The following ST7L variants were observed in gnomAD, a reference collection of about 807,000 sequenced individuals.
ST7L encodes suppression of tumorigenicity 7 like.
Under a neutral mutation model 72.5 loss-of-function variants are expected in ST7L, and 57 were observed. The observed-to-expected ratio is 0.79, with a 90% CI of 0.64 to 0.98. The LOEUF is 0.98. Among genes scored for constraint, ST7L ranks in the 50% least tolerant of loss-of-function variants. The pLI is 0.00. For synonymous variants in ST7L, 221 were observed against 240.9 expected, an observed-to-expected ratio of 0.92 and a Z score of 0.77; for missense variants, 576 against 672.2, an observed-to-expected ratio of 0.86 and a Z score of 1.58.
chr1:112,600,206 A>G (rs1180504662), intron 4 of ST7L, among the ~76,000 whole-genome samples: 1 of 151,922 alleles, frequency 6.6e-6, no homozygotes, highest in Non-Finnish European at 1.5e-5. Flanking sequence ...ACGTCCAGCT[A>G]ATTTTTGTTT....
chr1:112,599,073 AATATATATATAT>A (rs71084479), intron 4 of ST7L, among the ~76,000 whole-genome samples: 2 of 56,994 alleles, frequency 3.5e-5, no homozygotes, highest in Admixed American at 2.8e-4. Context: ...AAAAAAAAAA[AATATATATATAT>A]ATATATATAT....
At chr1:112,565,474 C>T (rs1021495121) in intron 11 of ST7L, among the ~76,000 whole-genome samples, 1 of 152,144 alleles carries the variant, frequency 6.6e-6, no homozygotes, top group Admixed American at 6.5e-5. Context: ...TTTCTTACTG[C>T]TCTACTTTAC....
chr1:112,556,966 C>CAAAAAAAAAAAAAAAAAAAAAAAAAAAAA (rs60106072), intron 11 of ST7L, among the ~76,000 whole-genome samples: 8 of 49,530 alleles, frequency 1.6e-4, no homozygotes, highest in Non-Finnish European at 2.1e-4. Context: ...GACTCTGTCT[C>CAAAAAAAAAAAAAAAAAAAAAAAAAAAAA]AAAAAAAAAA....
intron 11 of ST7L, chr1:112,571,370 T>C (rs183627695): frequency 0.014 from 6,570 of 455,562 alleles, 76 homozygotes; most frequent in Non-Finnish European, 0.019. Context: ...AAAAATGACA[T>C]TAAAATGTTA....
intron 8 of ST7L, 69 bp downstream of exon 8, chr1:112,582,306 C>T: frequency 1.7e-6 from 2 of 1,166,882 alleles, no homozygotes; most frequent in Admixed American, 4.2e-5. Flanking sequence ...ATTAAAATAA[C>T]TGGCAACTTA....
chr1:112,521,246 T>C (rs1291722958), downstream of ST7L: 1 of 152,142 alleles, frequency 6.6e-6, no homozygotes, highest in Non-Finnish European at 1.5e-5. Flanking sequence ...TAACAAATCA[T>C]TAAAACACCC....
intron 11 of ST7L, among the ~76,000 whole-genome samples, chr1:112,573,348 CA>C (rs35107656): frequency 0.41 from 28,714 of 70,278 alleles, 2,017 homozygotes; most frequent in East Asian, 0.52. Context: ...AACTCCCTCT[CA>C]AAAAAAAAAA....
chr1:112,587,327 C>T (rs1044153249), intron 6 of ST7L, among the ~76,000 whole-genome samples: 3 of 152,198 alleles, frequency 2.0e-5, no homozygotes, highest in South Asian at 2.1e-4. Flanking sequence ...CATGGCCAGG[C>T]GTGGTGGCTC....
At position 112,523,883 on chromosome 1, in the gene ST7L, T is replaced by C. The variant is rs1380893058; in HGVS notation, c.*2130A>G. 6.6e-6 allele frequency: 1 copy of C among 152,014 alleles called. No individual in the cohort carries two copies. The highest frequency in any genetic ancestry group is 1.5e-5 in the Non-Finnish European group (1 of 68,004). The allele number at this position is 152,014 out of a possible 1,614,324, so 9.4% of individuals were successfully genotyped here. Reference sequence around the variant, plus strand: ...AATGTAAAAGTAAGAATGCCAGCCTTAACCTAGCCCTGCAGATAAAAGCTA... The same window carrying C: ...AATGTAAAAGTAAGAATGCCAGCCTCAACCTAGCCCTGCAGATAAAAGCTA... On this transcript the variant is annotated 3_prime_UTR_variant, in exon 15 of 15. Transcript: ENST00000358039.
chr1:112,611,241 A>G (rs965245494), intron 2 of ST7L, among the ~76,000 whole-genome samples: 4 of 152,258 alleles, frequency 2.6e-5, no homozygotes, highest in Non-Finnish European at 5.9e-5. Flanking sequence ...AGGCATATGT[A>G]ATAAAGCATT....
intron 11 of ST7L, among the ~76,000 whole-genome samples, chr1:112,573,183 A>T (rs1662439470): frequency 6.6e-6 from 1 of 151,792 alleles, no homozygotes; most frequent in African/African-American, 2.4e-5. Flanking sequence ...ACCCCATCTC[A>T]ACCGAAAATA....
chr1:112,584,167 AAGCAAGTGTTTTCT>A, intron 6 of ST7L, 41 bp from the exon 7 acceptor site: 1 of 1,591,630 alleles, frequency 6.3e-7, no homozygotes, highest in Non-Finnish European at 8.5e-7. Flanking sequence ...TAAAATGGTA[AAGCAAGTGTTTTCT>A]CTTGGTTATG....
intron 14 of ST7L, chr1:112,527,244 G>C (rs1302326905): frequency 6.6e-6 from 1 of 152,326 alleles, no homozygotes; most frequent in Non-Finnish European, 1.5e-5. Context: ...CATAGCTCTG[G>C]GATGCTGCAG....
intron 11 of ST7L, among the ~76,000 whole-genome samples, chr1:112,559,100 A>G (rs1290117526): frequency 6.6e-6 from 1 of 152,236 alleles, no homozygotes. Context: ...AGTGAATTTT[A>G]GAACTCCGAA....
chr1:112,616,762 T>C (rs760975527), intron 2 of ST7L, 51 bp downstream of exon 2: 3 of 1,316,900 alleles, frequency 2.3e-6, no homozygotes, highest in Non-Finnish European at 3.2e-6. Flanking sequence ...AAAAAAAAAA[T>C]ATCTTTAGAT....
chr1:112,534,993 G>C (rs1023671223), intron 14 of ST7L, among the ~76,000 whole-genome samples: 1 of 152,094 alleles, frequency 6.6e-6, no homozygotes, highest in Non-Finnish European at 1.5e-5. Flanking sequence ...TACTTGACAG[G>C]CACATGTTAA....
At chr1:112,611,077 C>G in intron 2 of ST7L, 74 bp from the exon 3 acceptor site, 1 of 1,461,484 alleles carries the variant, frequency 6.8e-7, no homozygotes, top group Non-Finnish European at 9.3e-7. Context: ...AACATTCTCT[C>G]AAGATGTCCT....
chr1:112,542,793 T>G (rs927031652), intron 13 of ST7L, among the ~76,000 whole-genome samples: 25 of 150,930 alleles, frequency 1.7e-4, no homozygotes, highest in African/African-American at 5.6e-4. Flanking sequence ...ATAAATACAT[T>G]TGAGTTGCTA....
downstream of ST7L, chr1:112,523,023 A>G (rs1220192445): frequency 6.6e-6 from 1 of 152,252 alleles, no homozygotes; most frequent in Non-Finnish European, 1.5e-5. Context: ...GCCTTATATT[A>G]TATGCCAGGC....
Sources: allele counts gnomAD v4.1 joint callset (sites outside exome capture counted in the v4.1 genomes callset), GRCh38; gene constraint gnomAD v4.1.1; transcripts MANE v1.5; gene names NCBI Gene and HGNC (gene_info 2026-07-23, HGNC 2026-07-21).